ALKBH5: variants seen among roughly 807,000 people sequenced by gnomAD.
The protein encoded by ALKBH5 is alkB homolog 5, RNA demethylase.
In ALKBH5, 2 loss-of-function variants were observed where a neutral mutation model predicts 32.1. The observed-to-expected ratio is 0.06, with a 90% CI of 0.03 to 0.20. ALKBH5 has a LOEUF of 0.20. Ranked by LOEUF, ALKBH5 falls within the 10% of genes least tolerant of loss-of-function variation. The probability of loss-of-function intolerance (pLI) is 1.00; values close to 1 mark genes in which losing one functional copy is unlikely to be tolerated. For synonymous variants in ALKBH5, 300 were observed against 231.7 expected (o/e 1.29, Z -2.68); for missense variants, 352 against 559.5 (o/e 0.63, Z 3.74).
intron 1 of ALKBH5, among the ~76,000 whole-genome samples, chr17:18,186,660 C>T (rs1185860107): frequency 4.6e-5 from 7 of 152,176 alleles, no homozygotes; most frequent in Non-Finnish European, 7.3e-5. Context: ...TAGTGATCAG[C>T]AACAGGATTG....
Position 18,184,792 on chromosome 17 carries a change from C to T in ALKBH5, c.549C>T (p.Pro183=). Residue 183 remains proline, a synonymous_variant, in exon 1 of 4, where the codon CCC becomes CCT. Coordinates refer to ENST00000399138, the MANE Select transcript of ALKBH5 (RefSeq NM_017758.4). ...AGCTGGTGGAGCACCGCGTCATCCC[C>T]GAGGGCTTCGTCAACAGCGCCGTCA... is the stretch of plus-strand genomic sequence containing the variant. ...IQKLVEHRVI[P]EGFVNSAVIN... The T allele has an allele frequency of 1.2e-6, 2 of 1,614,070 alleles. No individual in the cohort carries two copies. The highest frequency in any genetic ancestry group is 1.7e-6 in the Non-Finnish European group (2 of 1,180,000).
In ALKBH5 at chr17:18,194,964, T is replaced by C. The variant is rs752402075; in HGVS notation, c.780T>C (p.Ala260=). The C allele has an allele frequency of 6.2e-7, 1 of 1,614,008 alleles. No homozygotes were observed. Among genetic ancestry groups the C allele is most frequent in the Non-Finnish European group, 8.5e-7 (1 of 1,179,960 alleles). Residue 260 remains alanine, a synonymous_variant, in exon 2 of 4, where the codon GCT becomes GCC. Coordinates refer to ENST00000399138, the MANE Select transcript of ALKBH5 (RefSeq NM_017758.4). ...CTGTGTTTCTTTTCAGTGGATATGC[T>C]GCTGATGAAATCACTCACTGCATAC... ...RGSVTVLSGY[A]ADEITHCIRP...
At chr17:18,206,047 C>T (rs1308080551) in intron 2 of ALKBH5, among the ~76,000 whole-genome samples, 1 of 152,170 alleles carries the variant, frequency 6.6e-6, no homozygotes, top group Non-Finnish European at 1.5e-5. Context: ...TGCCAGCTCC[C>T]TTCTGTTCTG....
At chr17:18,185,060 C>T in intron 1 of ALKBH5, 47 bp downstream of exon 1, 1 of 1,572,954 alleles carries the variant, frequency 6.4e-7, no homozygotes, top group South Asian at 1.1e-5. Flanking sequence ...GCTGCCTTAG[C>T]TACCCACCCT....
At chr17:18,192,597 A>G (rs1332672939) in intron 1 of ALKBH5, among the ~76,000 whole-genome samples, 1 of 152,226 alleles carries the variant, frequency 6.6e-6, no homozygotes, top group Non-Finnish European at 1.5e-5. Flanking sequence ...AACAAAGGTC[A>G]CAAAGCTAGT....
intron 2 of ALKBH5, among the ~76,000 whole-genome samples, chr17:18,201,743 T>TTAGATAGATAGATAGATAGA (rs57485964): frequency 2.3e-5 from 3 of 129,828 alleles, no homozygotes; most frequent in South Asian, 3.0e-4. Flanking sequence ...AGACTCCATC[T>TTAGATAGATAGATAGATAGA]TAGATAGATA....
At chr17:18,199,498 C>G (rs754829149) in intron 2 of ALKBH5, among the ~76,000 whole-genome samples, 4 of 152,152 alleles carry the variant, frequency 2.6e-5, no homozygotes, top group Non-Finnish European at 5.9e-5. Flanking sequence ...GCTAGCTGCC[C>G]TGTGCCAAGC....
At chr17:18,191,014 C>A (rs532011495) in intron 1 of ALKBH5, among the ~76,000 whole-genome samples, 1 of 152,302 alleles carries the variant, frequency 6.6e-6, no homozygotes, top group South Asian at 2.1e-4. Flanking sequence ...AAGGTTATTT[C>A]CTCTTCTCCT....
rs1332435764 is a variant in ALKBH5 at position 18,184,889 on chromosome 17, G to C, written c.646G>C (p.Val216Leu). The change falls in exon 1 of 4, where the codon GTG becomes CTG. Residue 216 changes from valine (V) to leucine (L), a missense_variant. Physicochemically the swap from Val to Leu is conservative, Grantham distance 32. This residue lies in a region of ALKBH5 where 56 missense variants were observed against 238.1 expected (regional missense o/e 0.24). Transcript: ENST00000399138. ...DPIHIFERPI[V>L]SVSFFSDSAL... is the part of the protein sequence containing the mutation. Reference sequence around the variant, plus strand: ...CATCCACATCTTCGAGCGCCCCATCGTGTCCGTGTCCTTCTTTAGCGACTC... The same window carrying C: ...CATCCACATCTTCGAGCGCCCCATCCTGTCCGTGTCCTTCTTTAGCGACTC... 6.2e-7 allele frequency: 1 copy of C among 1,614,228 alleles called. No individual in the cohort carries two copies. Among genetic ancestry groups the C allele is most frequent in the Non-Finnish European group, 8.5e-7 (1 of 1,180,036 alleles).
chr17:18,200,651 C>T (rs2047231127), intron 2 of ALKBH5, among the ~76,000 whole-genome samples: 1 of 152,286 alleles, frequency 6.6e-6, no homozygotes, highest in South Asian at 2.1e-4. Flanking sequence ...AAAAGGCAGA[C>T]ATTTAGCATC....
At chr17:18,196,214 CTTTT>C (rs575337257) in intron 2 of ALKBH5, among the ~76,000 whole-genome samples, 8 of 140,642 alleles carry the variant, frequency 5.7e-5, no homozygotes, top group Admixed American at 2.1e-4. Flanking sequence ...TTGCCTTATT[CTTTT>C]TTTTTTTTTT....
rs908382053 is a variant in ALKBH5 at position 18,183,862 on chromosome 17, C to T, written c.-382C>T. ...GCTAAGGAGCGGCGCTGGCGGACGTCGGGCTGGCTGCCCGTGACGTCGTGC... is the reference window on the plus strand; with the variant it reads ...GCTAAGGAGCGGCGCTGGCGGACGTTGGGCTGGCTGCCCGTGACGTCGTGC... On this transcript the variant is annotated 5_prime_UTR_variant, in exon 1 of 4. Transcript: ENST00000399138. 10 of 348,008 alleles carry T rather than the reference C, an allele frequency of 2.9e-5. No homozygotes were observed. The highest frequency in any genetic ancestry group is 3.8e-5 in the Non-Finnish European group (7 of 183,302). 21.6% of individuals were successfully genotyped at this position (348,008 alleles called of 1,614,324 possible). A position where few individuals can be genotyped will look rare whatever the true frequency, so the allele number is the denominator to read the frequency against.
intron 2 of ALKBH5, among the ~76,000 whole-genome samples, chr17:18,200,740 C>T (rs528359976): frequency 6.2e-4 from 95 of 152,322 alleles, no homozygotes; most frequent in Middle Eastern, 3.4e-3. Context: ...CCTTAGCCAG[C>T]ATAGAATGAG....
rs1555550994 is a variant in ALKBH5, at chr17:18,201,775, A to ATAGATAGGTAGG, written c.852-5033_852-5032insGTAGGTAGATAG. Among the ~76,000 whole-genome samples, 16 of 141,874 alleles carry ATAGATAGGTAGG rather than the reference A, an allele frequency of 1.1e-4. No individual in the cohort carries two copies. In the South Asian group the frequency reaches 3.6e-3, roughly 32 times the overall value. The allele number at this position is 141,874 out of a possible 152,430, so 93.1% of individuals were successfully genotyped here. A position where few individuals can be genotyped will look rare whatever the true frequency, so the allele number is the denominator to read the frequency against. ...GATAGATAGATAGATAGATAGATAG[A>ATAGATAGGTAGG]TAGATAGATAGGATAGATAAGATAG... is the stretch of plus-strand genomic sequence containing the variant. On this transcript the variant is annotated intron_variant, in intron 2 of 3. Transcript: ENST00000399138.
intron 2 of ALKBH5, among the ~76,000 whole-genome samples, chr17:18,204,997 T>G (rs551906798): frequency 1.3e-5 from 2 of 151,224 alleles, no homozygotes; most frequent in African/African-American, 4.9e-5. Flanking sequence ...CTGCAGTGAG[T>G]TATGATCATA....
At chr17:18,203,832 A>G (rs2047255012) in intron 2 of ALKBH5, among the ~76,000 whole-genome samples, 1 of 152,084 alleles carries the variant, frequency 6.6e-6, no homozygotes, top group Admixed American at 6.5e-5. Context: ...TATGAGATGT[A>G]CTTATAACAG....
intron 2 of ALKBH5, among the ~76,000 whole-genome samples, chr17:18,199,258 C>T (rs766286329): frequency 4.6e-5 from 7 of 152,156 alleles, no homozygotes; most frequent in East Asian, 1.9e-4. Context: ...GGCAAGCTGC[C>T]GCAGCATGCA....
intron 2 of ALKBH5, among the ~76,000 whole-genome samples, chr17:18,201,803 A>AG (rs1161123142): frequency 5.7e-3 from 307 of 53,492 alleles, no homozygotes; most frequent in Middle Eastern, 0.01. Flanking sequence ...TAAGATAGAT[A>AG]GATAGATAGA....
chr17:18,200,461 T>G (rs923893808), intron 2 of ALKBH5, among the ~76,000 whole-genome samples: 1 of 152,094 alleles, frequency 6.6e-6, no homozygotes, highest in Non-Finnish European at 1.5e-5. Context: ...CACAAAGCAG[T>G]ATATATAGCC....
Sources: gnomAD v4.1 joint callset for allele counts (sites outside exome capture counted in the v4.1 genomes callset) on GRCh38, gnomAD v4.1.1 for gene constraint, gnomAD v4.1.1 regional missense constraint, MANE v1.5 for transcripts, NCBI Gene and HGNC (gene_info 2026-07-23, HGNC 2026-07-21) for gene names.